Variants in NBN observed in about 807,000 individuals in gnomAD.
NBN encodes the protein nibrin, also known as Nijmegen breakage syndrome 1 (nibrin).
In NBN, 88 loss-of-function variants were observed where a neutral mutation model predicts 90.8. That is an observed-to-expected ratio of 0.97 (90% CI 0.82 to 1.16). The LOEUF (loss-of-function observed/expected upper bound fraction) is 1.16, where lower values mean the gene tolerates loss of function less well. Among genes scored for constraint, NBN ranks in the 50% most tolerant of loss-of-function variants. The pLI is 0.00. For synonymous variants in NBN, 328 were observed against 295.1 expected (o/e 1.11, Z -1.14); for missense variants, 894 against 869.6 (o/e 1.03, Z -0.35).
intron 14 of NBN, among the ~76,000 whole-genome samples, chr8:89,939,095 G>C (rs1367312913): frequency 3.3e-5 from 5 of 152,100 alleles, no homozygotes. Context: ...TAATTTTTAT[G>C]TTTGATGTAC....
chr8:89,974,325 G>A (rs998541651), intron 5 of NBN, among the ~76,000 whole-genome samples: 1 of 149,890 alleles, frequency 6.7e-6, no homozygotes, highest in South Asian at 2.1e-4. Flanking sequence ...CAAATGTGAG[G>A]TTCCATATCC....
intron 12 of NBN, among the ~76,000 whole-genome samples, chr8:89,946,799 C>T (rs980220898): frequency 1.6e-4 from 24 of 152,150 alleles, no homozygotes; most frequent in African/African-American, 5.5e-4. Flanking sequence ...TCTGGACATA[C>T]TATCTCATTA....
Position 89,961,012 on chromosome 8 carries a change from C to T in NBN, c.995-2158G>A, listed in dbSNP as rs185380989. On this transcript the variant is annotated intron_variant, in intron 8 of 15. Transcript: ENST00000265433. ...AAGAAGTAATACTACATACAGTGTACTTTTTAATTCACTCTCATGACTTTG... is the reference window on the plus strand; with the variant it reads ...AAGAAGTAATACTACATACAGTGTATTTTTTAATTCACTCTCATGACTTTG... Among the ~76,000 whole-genome samples, 693 of 152,264 alleles carry T rather than the reference C, an allele frequency of 4.6e-3. 5 individuals carry two copies. The highest frequency in any genetic ancestry group is 0.028 in the South Asian group (133 of 4,830).
At chr8:89,970,316 T>C (rs768488131) in intron 7 of NBN, 48 bp downstream of exon 7, 1 of 1,476,788 alleles carries the variant, frequency 6.8e-7, no homozygotes, top group African/African-American at 1.4e-5. Context: ...AGGTTAAACA[T>C]AAAATCTCCT....
chr8:89,982,690 T>A, intron 2 of NBN, 32 bp downstream of exon 2: 2 of 1,585,080 alleles, frequency 1.3e-6, no homozygotes, highest in Non-Finnish European at 1.7e-6. Flanking sequence ...ACCCCCTTAC[T>A]GGAAACTAGT....
chr8:89,975,825 T>A (rs1179869327), intron 5 of NBN, among the ~76,000 whole-genome samples: 1 of 152,208 alleles, frequency 6.6e-6, no homozygotes, highest in Non-Finnish European at 1.5e-5. Context: ...GACTCCTCTA[T>A]CCTCAAGTAT....
At chr8:89,982,970 C>T (rs1406667416) in intron 1 of NBN, 115 bp from the exon 2 acceptor site, 7 of 1,114,648 alleles carry the variant, frequency 6.3e-6, no homozygotes, top group Admixed American at 4.1e-5. Flanking sequence ...TTAAATAAAA[C>T]ACCTTTGTTA....
intron 13 of NBN, among the ~76,000 whole-genome samples, chr8:89,944,238 C>T (rs915860294): frequency 1.3e-5 from 2 of 152,096 alleles, no homozygotes; most frequent in African/African-American, 2.4e-5. Context: ...AAAGACCAAC[C>T]GGTGACCATC....
rs1586075933 is a variant in NBN, at chr8:89,964,447, T to C, written c.957A>G (p.Thr319=). 1 of 1,613,704 alleles carries C rather than the reference T, an allele frequency of 6.2e-7. No homozygotes were observed. The highest frequency in any genetic ancestry group is 8.5e-7 in the Non-Finnish European group (1 of 1,179,794). Residue 319 remains threonine (T), a synonymous_variant, in exon 8 of 16, where the codon ACA becomes ACG. Transcript: ENST00000265433. ...GGCCCTGAGGATCACAGTAATTCTT[T>C]GTAGTCATGAAAATCACCGCCAATC... ...EIGLAVIFMT[T]KNYCDPQGHP...
chr8:89,963,860 C>A (rs979584460), intron 8 of NBN, among the ~76,000 whole-genome samples: 1 of 152,206 alleles, frequency 6.6e-6, no homozygotes, highest in African/African-American at 2.4e-5. Context: ...TCTTTCACAT[C>A]CAGATTTCCA....
chr8:89,964,454 A>T lies in NBN; in HGVS notation c.950T>A (p.Met317Lys). 1.2e-6 allele frequency: 2 copies of T among 1,613,694 alleles called. No individual in the cohort carries two copies. The highest frequency in any genetic ancestry group is 1.7e-6 in the Non-Finnish European group (2 of 1,179,654). Residue 317 changes from methionine (M) to lysine (K), a missense_variant, in exon 8 of 16, where the codon ATG (methionine) becomes AAG (lysine). Met to Lys is a moderately conservative substitution (Grantham distance 95). Coordinates refer to ENST00000265433, the MANE Select transcript of NBN (RefSeq NM_002485.5). ...EAEIGLAVIFMTTKNYCDPQG... is the reference protein window; with the variant it reads ...EAEIGLAVIFKTTKNYCDPQG... ...AGGATCACAGTAATTCTTTGTAGTC[A>T]TGAAAATCACCGCCAATCCAATTTC...
chr8:89,976,914 T>C (rs564836698), intron 5 of NBN, among the ~76,000 whole-genome samples: 145 of 152,270 alleles, frequency 9.5e-4, no homozygotes, highest in African/African-American at 2.9e-3. Flanking sequence ...GAAAACCTGA[T>C]TTTTTATTAC....
intron 7 of NBN, among the ~76,000 whole-genome samples, chr8:89,967,514 AATG>A (rs1811311318): frequency 6.6e-6 from 1 of 152,224 alleles, no homozygotes; most frequent in South Asian, 2.1e-4. Flanking sequence ...CGCATAAATC[AATG>A]ATGAGCATGT....
intron 7 of NBN, among the ~76,000 whole-genome samples, chr8:89,968,126 G>A (rs1187647756): frequency 6.6e-6 from 1 of 152,096 alleles, no homozygotes; most frequent in Non-Finnish European, 1.5e-5. Context: ...CAACGTGGTG[G>A]TGTACGCCTG....
rs1554568378 is a variant in NBN at position 89,981,503 on chromosome 8, A to G, written c.192T>C (p.Pro64=). 1.9e-6 allele frequency: 3 copies of G among 1,613,048 alleles called. No homozygotes were observed. The South Asian group carries it at 3.3e-5, about 18-fold the overall frequency. ...VTNLSQTDEI[P]VLTLKDNSKY... is the part of the protein sequence containing the mutation. ...TAGAATTATCTTTTAATGTCAATAC[A>G]GGGATTTCATCTGTTTGACTCTGAA... The change falls in exon 3 of 16, where the codon CCT becomes CCC. Residue 64 remains proline, a synonymous_variant. Coordinates refer to ENST00000265433, the MANE Select transcript of NBN (RefSeq NM_002485.5).
intron 2 of NBN, chr8:89,982,002 C>A: frequency 1.7e-6 from 2 of 1,160,856 alleles, no homozygotes; most frequent in Non-Finnish European, 1.1e-6. Flanking sequence ...TTTTTCTATA[C>A]CTAAAAGAAC....
Position 89,935,348 on chromosome 8 carries a change from TAAAC to T in NBN, c.*230_*233del, listed in dbSNP as rs1198265838. ...AACTGTGACTATATTAACTATTTAA[TAAAC>T]AAAACACATTTAAAAATGAAAAAAA... On this transcript the variant is annotated 3_prime_UTR_variant, in exon 16 of 16. Coordinates refer to ENST00000265433, the MANE Select transcript of NBN (RefSeq NM_002485.5). 1.0e-5 allele frequency: 5 copies of T among 483,792 alleles called. No individual in the cohort carries two copies. Among genetic ancestry groups the T allele is most frequent in the South Asian group, 4.9e-5 (2 of 40,924 alleles). 30.0% of individuals were successfully genotyped at this position (483,792 alleles called of 1,614,324 possible).
chr8:89,952,213 G>A (rs917229159), intron 11 of NBN, among the ~76,000 whole-genome samples: 2 of 152,090 alleles, frequency 1.3e-5, no homozygotes, highest in African/African-American at 4.8e-5. Context: ...ACTGATTTTA[G>A]AATTTTTAAA....
intron 2 of NBN, chr8:89,982,365 G>A: frequency 3.0e-6 from 1 of 330,632 alleles, no homozygotes; most frequent in Non-Finnish European, 5.7e-6. Context: ...CACAGTTACT[G>A]ACACATAAAA....
Sources: gnomAD v4.1 joint callset for allele counts (sites outside exome capture counted in the v4.1 genomes callset) on GRCh38, gnomAD v4.1.1 for gene constraint, MANE v1.5 for transcripts, NCBI Gene and HGNC (gene_info 2026-07-23, HGNC 2026-07-21) for gene names.